Variants in PIP5K1B observed in about 807,000 individuals in gnomAD.
PIP5K1B encodes phosphatidylinositol 4-phosphate 5-kinase type-1 beta.
Under a neutral mutation model 67.0 loss-of-function variants are expected in PIP5K1B, and 42 were observed. The ratio of observed to expected loss-of-function variants is 0.63; its 90% CI spans 0.49 to 0.81. The LOEUF is 0.81. Among genes scored for constraint, PIP5K1B ranks in the 30% least tolerant of loss-of-function variants. The pLI is 0.00. For synonymous variants in PIP5K1B, 214 were observed against 231.4 expected, an observed-to-expected ratio of 0.92 and a Z score of 0.68; for missense variants, 459 against 646.3, an observed-to-expected ratio of 0.71 and a Z score of 3.14.
chr9:68,888,922 C>G, intron 6 of PIP5K1B, 59 bp from the exon 7 acceptor site: 3 of 1,221,454 alleles, frequency 2.5e-6, no homozygotes, highest in Non-Finnish European at 3.6e-6. Context: ...GATTGTCCTC[C>G]TTGGAGGCAT....
At position 68,876,702 on chromosome 9, in the gene PIP5K1B, C is replaced by T; in HGVS notation, c.226C>T (p.His76Tyr). 1 of 1,604,338 alleles carries T rather than the reference C, an allele frequency of 6.2e-7. No homozygotes were observed. The highest frequency in any genetic ancestry group is 8.5e-7 in the Non-Finnish European group (1 of 1,171,016). ...PSEGSNLTPA[H>Y]HYPDFRFKTY... ...CGAAGGGAGCAATCTGACCCCAGCACATCACTACCCAGACTTTAGATTTAA... is the reference window on the plus strand; with the variant it reads ...CGAAGGGAGCAATCTGACCCCAGCATATCACTACCCAGACTTTAGATTTAA... The change falls in exon 6 of 16, where the codon CAT becomes TAT. Residue 76 changes from histidine (H) to tyrosine (Y), a missense_variant. This residue lies in a region of PIP5K1B where 290 missense variants were observed against 474.4 expected (regional missense o/e 0.61). Coordinates refer to ENST00000265382, the MANE Select transcript of PIP5K1B (RefSeq NM_003558.4).
intron 14 of PIP5K1B, among the ~76,000 whole-genome samples, chr9:68,953,805 TAAAAAAAA>T (rs71353095): frequency 9.9e-4 from 107 of 108,600 alleles, no homozygotes; most frequent in African/African-American, 3.2e-3. Flanking sequence ...GACTCTGTCT[TAAAAAAAA>T]AAAAAAAAAA....
intron 14 of PIP5K1B, among the ~76,000 whole-genome samples, chr9:68,979,099 CT>C (rs1214125535): frequency 6.6e-6 from 1 of 152,106 alleles, no homozygotes; most frequent in Non-Finnish European, 1.5e-5. Context: ...ATCTCTTTTT[CT>C]CTTTTATAAT....
At chr9:68,725,625 T>G (rs1338186042) in intron 1 of PIP5K1B, among the ~76,000 whole-genome samples, 1 of 152,162 alleles carries the variant, frequency 6.6e-6, no homozygotes, top group Non-Finnish European at 1.5e-5. Context: ...AAAGTCTGAT[T>G]AGAGTTCCAG....
At chr9:68,800,650 G>A (rs950482442) in intron 2 of PIP5K1B, among the ~76,000 whole-genome samples, 5 of 152,088 alleles carry the variant, frequency 3.3e-5, no homozygotes, top group African/African-American at 7.2e-5. Flanking sequence ...TTTCCAACCT[G>A]TTCTCAGCTG....
chr9:68,801,403 A>C (rs181130711), intron 2 of PIP5K1B, among the ~76,000 whole-genome samples: 71 of 152,274 alleles, frequency 4.7e-4, no homozygotes, highest in Admixed American at 4.5e-3. Flanking sequence ...GAATTTAAGA[A>C]GTATAGGTTT....
At chr9:68,981,924 A>G (rs1409558060) in intron 14 of PIP5K1B, among the ~76,000 whole-genome samples, 1 of 152,180 alleles carries the variant, frequency 6.6e-6, no homozygotes, top group Non-Finnish European at 1.5e-5. Flanking sequence ...TGAGAAGTTT[A>G]TGACTTGTTC....
At chr9:68,889,191 G>GT (rs1295169688) in intron 7 of PIP5K1B, 58 bp downstream of exon 7, 6 of 1,348,216 alleles carry the variant, frequency 4.5e-6, no homozygotes, top group Non-Finnish European at 5.2e-6. Flanking sequence ...TTCCTCAACA[G>GT]TTTTTTTCTG....
intron 4 of PIP5K1B, among the ~76,000 whole-genome samples, chr9:68,834,811 CT>C (rs1834510056): frequency 6.6e-6 from 1 of 152,160 alleles, no homozygotes; most frequent in South Asian, 2.1e-4. Context: ...TTGTGGGTCA[CT>C]GTACAGGCAT....
chr9:68,958,755 C>T (rs1828547340), intron 14 of PIP5K1B, among the ~76,000 whole-genome samples: 1 of 152,178 alleles, frequency 6.6e-6, no homozygotes, highest in Non-Finnish European at 1.5e-5. Context: ...ATAATGCAAA[C>T]GTCTCACACC....
At chr9:68,719,670 G>T (rs1329800687) in intron 1 of PIP5K1B, among the ~76,000 whole-genome samples, 2 of 152,146 alleles carry the variant, frequency 1.3e-5, no homozygotes, top group East Asian at 1.9e-4. Flanking sequence ...CCTGCTAAGG[G>T]TTAAGAGAGA....
At chr9:68,768,475 C>T (rs1487406226) in intron 2 of PIP5K1B, among the ~76,000 whole-genome samples, 2 of 152,050 alleles carry the variant, frequency 1.3e-5, no homozygotes, top group Non-Finnish European at 2.9e-5. Flanking sequence ...CATCAAGGGG[C>T]AGAAGAGGAA....
intron 14 of PIP5K1B, among the ~76,000 whole-genome samples, chr9:68,954,276 C>T (rs1828259053): frequency 6.6e-6 from 1 of 152,138 alleles, no homozygotes; most frequent in South Asian, 2.1e-4. Flanking sequence ...ATCTTCTCCC[C>T]TCTTTATAGG....
chr9:68,719,664 C>T (rs1827792696), intron 1 of PIP5K1B, among the ~76,000 whole-genome samples: 1 of 152,010 alleles, frequency 6.6e-6, no homozygotes, highest in Admixed American at 6.6e-5. Flanking sequence ...GTCTCTCCTG[C>T]TAAGGGTTAA....
chr9:68,954,324 G>A (rs1828262597), intron 14 of PIP5K1B, among the ~76,000 whole-genome samples: 3 of 152,108 alleles, frequency 2.0e-5, no homozygotes, highest in South Asian at 2.1e-4. Context: ...TAGTGTAGAG[G>A]GTTGAGCGTG....
intron 8 of PIP5K1B, among the ~76,000 whole-genome samples, chr9:68,897,036 A>G (rs552100320): frequency 1.3e-5 from 2 of 152,242 alleles, no homozygotes; most frequent in East Asian, 3.9e-4. Flanking sequence ...GCAATAGGAT[A>G]TGTGGTTGAC....
chr9:68,990,360 A>T (rs994207253), intron 14 of PIP5K1B, among the ~76,000 whole-genome samples: 1 of 152,128 alleles, frequency 6.6e-6, no homozygotes, highest in Non-Finnish European at 1.5e-5. Context: ...TCTGAGGCAC[A>T]TGTAAGTTTG....
At chr9:68,942,485 G>A (rs1205309530) in intron 14 of PIP5K1B, among the ~76,000 whole-genome samples, 1 of 152,008 alleles carries the variant, frequency 6.6e-6, no homozygotes, top group Non-Finnish European at 1.5e-5. Flanking sequence ...TGGTGGTGGT[G>A]GTAAGTATCC....
intron 2 of PIP5K1B, among the ~76,000 whole-genome samples, chr9:68,744,181 C>T (rs954803553): frequency 3.3e-5 from 5 of 152,182 alleles, no homozygotes; most frequent in Non-Finnish European, 5.9e-5. Context: ...AAGGTGGACC[C>T]ACAAACCACA....
Sources: allele counts gnomAD v4.1 joint callset (sites outside exome capture counted in the v4.1 genomes callset), GRCh38; gene constraint gnomAD v4.1.1; regional missense constraint gnomAD v4.1.1; transcripts MANE v1.5; gene names NCBI Gene and HGNC (gene_info 2026-07-23, HGNC 2026-07-21).